Variants in SGPP1 observed in about 807,000 individuals in gnomAD.
SGPP1 encodes the protein sphingosine-1-phosphate phosphatase 1.
A neutral mutation model predicts 33.0 loss-of-function variants in SGPP1; 21 were observed. That is an observed-to-expected ratio of 0.64 (90% CI 0.45 to 0.92). The LOEUF (loss-of-function observed/expected upper bound fraction) is 0.92. Among genes scored for constraint, SGPP1 ranks in the 40% least tolerant of loss-of-function variants. The pLI, the probability that SGPP1 is intolerant of heterozygous loss-of-function variation, is 0.00. For synonymous variants in SGPP1, 239 were observed against 241.2 expected, an observed-to-expected ratio of 0.99 and a Z score of 0.08; for missense variants, 543 against 589.4, an observed-to-expected ratio of 0.92 and a Z score of 0.81.
At chr14:63,711,015 C>CTT (rs1392932036) in intron 1 of SGPP1, among the ~76,000 whole-genome samples, 3,927 of 140,676 alleles carry the variant, frequency 0.028, 178 homozygotes, top group African/African-American at 0.09. Context: ...TGTTTTCTTT[C>CTT]TTTTTTTTTT....
chr14:63,697,488 A>G (rs1885210723), intron 2 of SGPP1, among the ~76,000 whole-genome samples: 1 of 152,180 alleles, frequency 6.6e-6, no homozygotes, highest in Admixed American at 6.5e-5. Flanking sequence ...CTCCATGATA[A>G]TACATAATTC....
Position 63,686,302 on chromosome 14 carries a change from G to C in SGPP1, c.1129C>G (p.Leu377Val). 6.2e-7 allele frequency: 1 copy of C among 1,613,942 alleles called. No individual in the cohort carries two copies. The highest frequency in any genetic ancestry group is 8.5e-7 in the Non-Finnish European group (1 of 1,179,936). ...TTTTTCATTACATCTCTGATTATTAGTACAAATACCATCCCTATGAGGATC... is the reference window on the plus strand; with the variant it reads ...TTTTTCATTACATCTCTGATTATTACTACAAATACCATCCCTATGAGGATC... ...LRILIGMVFVLIIRDVMKKIT... is the reference protein window; with the variant it reads ...LRILIGMVFVVIIRDVMKKIT... Residue 377 changes from leucine to valine, a missense_variant, in exon 3 of 3, where the codon CTA (leucine) becomes GTA (valine). Physicochemically the swap from Leu to Val is conservative, Grantham distance 32. Transcript: ENST00000247225.
At position 63,686,442 on chromosome 14, in the gene SGPP1, G is replaced by A; in HGVS notation, c.989C>T (p.Ala330Val). Residue 330 changes from alanine (A) to valine (V), a missense_variant, in exon 3 of 3, where the codon GCA (alanine) becomes GTA (valine). Ala to Val is a moderately conservative substitution (Grantham distance 64, BLOSUM62 0). Coordinates refer to ENST00000247225, the MANE Select transcript of SGPP1 (RefSeq NM_030791.4). ...GTTATAAGTAACATGAGATCCACAT[G>A]CAATTCCAGCACCACTTCCTAGTAT... Reference protein sequence around the residue: ...AEILGSGAGIACGSHVTYNMG... With the variant: ...AEILGSGAGIVCGSHVTYNMG... 1.2e-6 allele frequency: 2 copies of A among 1,614,072 alleles called. No homozygotes were observed. The highest frequency in any genetic ancestry group is 1.7e-6 in the Non-Finnish European group (2 of 1,179,988).
In SGPP1 at chr14:63,686,807, AT is replaced by A. The variant is rs1884990948; in HGVS notation, c.775-152del. The stretch of plus-strand genomic sequence containing the variant: ...AAAGTAAACTTTATTAACTGACCAT[AT>A]AAGAGGCACTAAAAGCTGTATTAAT... On this transcript the variant is annotated intron_variant, in intron 2 of 2. Transcript: ENST00000247225. 1.3e-5 allele frequency: 7 copies of A among 551,560 alleles called. No individual in the cohort carries two copies. In the African/African-American group the frequency reaches 1.3e-4, roughly 11 times the overall value. 34.2% of individuals were successfully genotyped at this position (551,560 alleles called of 1,614,324 possible). A position where few individuals can be genotyped will look rare whatever the true frequency, so the allele number is the denominator to read the frequency against.
chr14:63,686,044 A>C lies in SGPP1; in HGVS notation c.*61T>G. On this transcript the variant is annotated 3_prime_UTR_variant, in exon 3 of 3. Coordinates refer to ENST00000247225, the MANE Select transcript of SGPP1 (RefSeq NM_030791.4). Reference sequence around the variant, plus strand: ...TAATTCTGACCTGGCTTTACCTGGAATATATTTTTGGGTATCAGTAACTGA... The same window carrying C: ...TAATTCTGACCTGGCTTTACCTGGACTATATTTTTGGGTATCAGTAACTGA... 1 of 1,009,554 alleles carries C rather than the reference A, an allele frequency of 9.9e-7. No individual in the cohort carries two copies. Among genetic ancestry groups the C allele is most frequent in the Non-Finnish European group, 1.4e-6 (1 of 707,882 alleles). 62.5% of individuals were successfully genotyped at this position (1,009,554 alleles called of 1,614,324 possible). A position where few individuals can be genotyped will look rare whatever the true frequency, so the allele number is the denominator to read the frequency against.
chr14:63,724,258 T>G (rs1366632678), intron 1 of SGPP1, among the ~76,000 whole-genome samples: 1 of 152,056 alleles, frequency 6.6e-6, no homozygotes, highest in Non-Finnish European at 1.5e-5. Context: ...TGGTGAATCT[T>G]GAGCAAATTT....
At chr14:63,692,511 G>A (rs368290984) in intron 2 of SGPP1, among the ~76,000 whole-genome samples, 2 of 151,688 alleles carry the variant, frequency 1.3e-5, no homozygotes, top group Non-Finnish European at 2.9e-5. Context: ...GTGTAGTGGC[G>A]TGGTCATAGC....
intron 1 of SGPP1, among the ~76,000 whole-genome samples, chr14:63,723,548 G>A (rs566080283): frequency 5.9e-5 from 9 of 151,992 alleles, no homozygotes; most frequent in Non-Finnish European, 8.8e-5. Context: ...GTGAAACCCC[G>A]TCTCTACTAA....
chr14:63,718,583 A>G (rs73265745), intron 1 of SGPP1, among the ~76,000 whole-genome samples: 14,240 of 152,004 alleles, frequency 0.094, 1,468 homozygotes, highest in African/African-American at 0.26. Context: ...TGACAAAGAG[A>G]GGGCAGGGAT....
At chr14:63,699,330 C>G in intron 1 of SGPP1, among the ~76,000 whole-genome samples, 1 of 151,980 alleles carries the variant, frequency 6.6e-6, no homozygotes, top group East Asian at 1.9e-4. Context: ...CTGTGAATGT[C>G]CTGAGATTGG....
At chr14:63,718,470 G>C (rs1885677468) in intron 1 of SGPP1, among the ~76,000 whole-genome samples, 1 of 152,014 alleles carries the variant, frequency 6.6e-6, no homozygotes, top group Admixed American at 6.6e-5. Flanking sequence ...AATTATACCA[G>C]TTCCAAAACC....
Position 63,684,781 on chromosome 14 carries a change from G to GA in SGPP1, c.*1323dup, listed in dbSNP as rs1884936830. ...ACACTTCAAAATATAAAGGTAGACA[G>GA]AAAAAAGAATAGTTTAATACTATAC... is the stretch of plus-strand genomic sequence containing the variant. On this transcript the variant is annotated 3_prime_UTR_variant, in exon 3 of 3. Transcript: ENST00000247225. The GA allele has an allele frequency of 6.6e-6, 1 of 152,138 alleles. No individual in the cohort carries two copies. The highest frequency in any genetic ancestry group is 2.1e-4 in the South Asian group (1 of 4,822). The allele number at this position is 152,138 out of a possible 1,614,324, so 9.4% of individuals were successfully genotyped here. A position where few individuals can be genotyped will look rare whatever the true frequency, so the allele number is the denominator to read the frequency against.
At chr14:63,708,529 G>T (rs1358788726) in intron 1 of SGPP1, among the ~76,000 whole-genome samples, 1 of 151,622 alleles carries the variant, frequency 6.6e-6, no homozygotes, top group Non-Finnish European at 1.5e-5. Context: ...CTCTCAAAGT[G>T]CTGGGATTAC....
intron 1 of SGPP1, among the ~76,000 whole-genome samples, chr14:63,708,676 G>C (rs940430633): frequency 6.6e-6 from 1 of 152,176 alleles, no homozygotes; most frequent in Non-Finnish European, 1.5e-5. Flanking sequence ...TGAGAGGTTA[G>C]TAATTTTTAT....
At chr14:63,709,895 TCTCA>T (rs1885488900) in intron 1 of SGPP1, among the ~76,000 whole-genome samples, 1 of 152,242 alleles carries the variant, frequency 6.6e-6, no homozygotes, top group Non-Finnish European at 1.5e-5. Flanking sequence ...TGATATACTT[TCTCA>T]CTATTATACA....
At chr14:63,726,700 C>G (rs1370029621) in intron 1 of SGPP1, among the ~76,000 whole-genome samples, 1 of 152,212 alleles carries the variant, frequency 6.6e-6, no homozygotes, top group Non-Finnish European at 1.5e-5. Context: ...AAAAACAGAA[C>G]TCACCCTGTG....
At chr14:63,720,760 C>T (rs576009005) in intron 1 of SGPP1, among the ~76,000 whole-genome samples, 27 of 151,772 alleles carry the variant, frequency 1.8e-4, no homozygotes, top group Admixed American at 3.3e-4. Flanking sequence ...AGCAAAACTC[C>T]GTCTCAAAAC....
intron 1 of SGPP1, among the ~76,000 whole-genome samples, 175 bp downstream of exon 1, chr14:63,727,086 C>T (rs910091792): frequency 5.3e-5 from 8 of 152,038 alleles, no homozygotes; most frequent in African/African-American, 1.7e-4. Context: ...ATCCAGTTTC[C>T]CCCAATCACT....
Position 63,686,672 on chromosome 14 carries a change from AG to A in SGPP1, c.775-17del, listed in dbSNP as rs1884986566. ...CAATAATATCCTAGGAAAAGATAAA[AG>A]TATCGTTGTTTAGTATAATACTGAA... On this transcript the variant is annotated splice_polypyrimidine_tract_variant and intron_variant, in intron 2 of 2. Coordinates refer to ENST00000247225, the MANE Select transcript of SGPP1 (RefSeq NM_030791.4). 1 of 1,546,788 alleles carries A rather than the reference AG, an allele frequency of 6.5e-7. No homozygotes were observed. Among genetic ancestry groups the A allele is most frequent in the African/African-American group, 1.4e-5 (1 of 73,094 alleles).
Sources: allele counts gnomAD v4.1 joint callset (sites outside exome capture counted in the v4.1 genomes callset), GRCh38; gene constraint gnomAD v4.1.1; transcripts MANE v1.5; gene names NCBI Gene and HGNC (gene_info 2026-07-23, HGNC 2026-07-21).